CTNNA3: variants seen among roughly 807,000 people sequenced by gnomAD.
CTNNA3 encodes the protein catenin alpha 3, also known as catenin alpha-3.
CTNNA3 carries 76 observed loss-of-function variants against 95.7 expected under a neutral mutation model. That is an observed-to-expected ratio of 0.79 (90% confidence interval 0.66 to 0.96). CTNNA3 has a LOEUF of 0.96. CTNNA3 is among the 40% of genes least tolerant of loss of function. The pLI is 0.00. For synonymous variants in CTNNA3, 431 were observed against 374.4 expected, an observed-to-expected ratio of 1.15 and a Z score of -1.74; for missense variants, 1,191 against 1,089.8, an observed-to-expected ratio of 1.09 and a Z score of -1.31.
intron 10 of CTNNA3, among the ~76,000 whole-genome samples, chr10:66,567,835 T>G (rs1159554548): frequency 6.6e-6 from 1 of 152,168 alleles, no homozygotes; most frequent in African/African-American, 2.4e-5. Context: ...GATGATTTTT[T>G]CCAGCTCAGA....
In CTNNA3 at chr10:65,988,201, A is replaced by T. The variant is rs1412946076; in HGVS notation, c.2265+491T>A. 3.3e-5 allele frequency among the ~76,000 whole-genome samples: 5 copies of T among 152,136 alleles called. No homozygotes were observed. The East Asian group carries it at 9.6e-4, about 29-fold the overall frequency. On this transcript the variant is annotated intron_variant, in intron 16 of 17. Transcript: ENST00000433211. ...ATTTTGAATGTGTTCAAAACAAAGA[A>T]ATGATAGATGTTTGAGGAATAGTAT...
intron 10 of CTNNA3, among the ~76,000 whole-genome samples, chr10:66,527,189 T>C (rs1841298595): frequency 6.6e-6 from 1 of 152,166 alleles, no homozygotes; most frequent in Admixed American, 6.5e-5. Context: ...CCTTTACCCA[T>C]AGAATTATCT....
intron 11 of CTNNA3, among the ~76,000 whole-genome samples, chr10:66,467,780 T>C (rs1292488438): frequency 2.6e-5 from 4 of 152,100 alleles, no homozygotes; most frequent in East Asian, 1.9e-4. Context: ...CTTTGTATCA[T>C]AGCGTATGGT....
At chr10:67,314,331 A>G (rs1233918622) in intron 5 of CTNNA3, among the ~76,000 whole-genome samples, 1 of 152,252 alleles carries the variant, frequency 6.6e-6, no homozygotes, top group Admixed American at 6.5e-5. Context: ...TCTGAGGTCA[A>G]GTATGGAATT....
At chr10:66,790,629 T>C (rs936435495) in intron 7 of CTNNA3, among the ~76,000 whole-genome samples, 1 of 152,208 alleles carries the variant, frequency 6.6e-6, no homozygotes, top group Admixed American at 6.5e-5. Context: ...ATCATTTTAC[T>C]GAATGCTTTC....
chr10:66,270,469 G>A (rs933712322), intron 13 of CTNNA3, among the ~76,000 whole-genome samples: 2 of 152,102 alleles, frequency 1.3e-5, no homozygotes, highest in Non-Finnish European at 2.9e-5. Flanking sequence ...GCCTTCCAAA[G>A]TGCTGGGATT....
At chr10:65,953,568 A>G (rs1368444809) in intron 17 of CTNNA3, among the ~76,000 whole-genome samples, 1 of 146,326 alleles carries the variant, frequency 6.8e-6, no homozygotes, top group African/African-American at 2.6e-5. Flanking sequence ...CCGGTGTGTG[A>G]TGTTCCCCAC....
At chr10:67,596,508 C>T (rs561749946) in intron 3 of CTNNA3, among the ~76,000 whole-genome samples, 26 of 152,276 alleles carry the variant, frequency 1.7e-4, no homozygotes, top group Non-Finnish European at 4.4e-5. Flanking sequence ...TTTATTTCTC[C>T]TTTGCTTATG....
chr10:66,262,254 A>G (rs12257037), intron 13 of CTNNA3, among the ~76,000 whole-genome samples: 12,249 of 152,064 alleles, frequency 0.081, 1,455 homozygotes, highest in African/African-American at 0.26. Flanking sequence ...ACTTAGCATT[A>G]TCATTTCATG....
chr10:67,496,664 TA>T (rs1839033720), intron 5 of CTNNA3, among the ~76,000 whole-genome samples: 1 of 152,188 alleles, frequency 6.6e-6, no homozygotes, highest in African/African-American at 2.4e-5. Context: ...AATAAAATTT[TA>T]ATTGCTTATA....
chr10:67,243,915 G>A (rs1026079699), intron 5 of CTNNA3, among the ~76,000 whole-genome samples: 1 of 152,130 alleles, frequency 6.6e-6, no homozygotes, highest in Non-Finnish European at 1.5e-5. Context: ...TTCCTCCTGA[G>A]GCCAAAATGA....
chr10:67,240,618 GAAAAT>G (rs1260836850), intron 5 of CTNNA3, among the ~76,000 whole-genome samples: 1 of 152,042 alleles, frequency 6.6e-6, no homozygotes, highest in Non-Finnish European at 1.5e-5. Flanking sequence ...CAATAAAAGA[GAAAAT>G]AAAAGAATTC....
chr10:66,686,536 T>C (rs542662748), intron 9 of CTNNA3, among the ~76,000 whole-genome samples: 9 of 152,216 alleles, frequency 5.9e-5, no homozygotes, highest in Non-Finnish European at 1.3e-4. Context: ...TTTTCTTCTC[T>C]CTACTGTCCT....
At chr10:67,358,510 C>G (rs1032324603) in intron 5 of CTNNA3, among the ~76,000 whole-genome samples, 1 of 152,116 alleles carries the variant, frequency 6.6e-6, no homozygotes. Context: ...AGGAAGCCTA[C>G]ATAGAGTCCC....
intron 4 of CTNNA3, among the ~76,000 whole-genome samples, chr10:67,538,394 T>C (rs1840555138): frequency 6.6e-6 from 1 of 151,436 alleles, no homozygotes; most frequent in South Asian, 2.1e-4. Context: ...GCCAACATAG[T>C]GAAACCCCCG....
intron 13 of CTNNA3, among the ~76,000 whole-genome samples, chr10:66,234,694 A>T (rs6480151): frequency 0.24 from 36,140 of 152,110 alleles, 4,378 homozygotes; most frequent in Admixed American, 0.28. Context: ...TGCAAGGTGT[A>T]GTAACTCAAT....
chr10:65,988,620 C>T (rs2078475504), intron 16 of CTNNA3, 72 bp downstream of exon 16: 1 of 1,253,010 alleles, frequency 8.0e-7, no homozygotes. Context: ...TTTAACTTTG[C>T]CTAAATCAAT....
chr10:67,536,900 A>C (rs986394694), intron 4 of CTNNA3, among the ~76,000 whole-genome samples: 1 of 152,118 alleles, frequency 6.6e-6, no homozygotes, highest in Non-Finnish European at 1.5e-5. Flanking sequence ...TGATCTCAGA[A>C]ACAATTTAGT....
chr10:66,692,359 T>C (rs1419151903), intron 9 of CTNNA3, among the ~76,000 whole-genome samples: 1 of 152,016 alleles, frequency 6.6e-6, no homozygotes, highest in Non-Finnish European at 1.5e-5. Context: ...AGAAAGGGTA[T>C]CAGCAATGGA....
Sources: allele counts gnomAD v4.1 joint callset (sites outside exome capture counted in the v4.1 genomes callset), GRCh38; gene constraint gnomAD v4.1.1; transcripts MANE v1.5; gene names NCBI Gene and HGNC (gene_info 2026-07-23, HGNC 2026-07-21).